Variants in SPRED3 observed in about 807,000 individuals in gnomAD.
The protein encoded by SPRED3 is sprouty-related, EVH1 domain-containing protein 3.
In SPRED3, 23 loss-of-function variants were observed where a neutral mutation model predicts 37.6. The observed-to-expected ratio is 0.61, with a 90% CI of 0.44 to 0.87. SPRED3 has a LOEUF of 0.87. Among genes scored for constraint, SPRED3 ranks in the 40% least tolerant of loss-of-function variants. The pLI is 0.00. For missense variants in SPRED3, 584 were observed against 618.6 expected (o/e 0.94, Z 0.59); for synonymous variants, 302 against 279.6 (o/e 1.08, Z -0.80).
intron 2 of SPRED3, among the ~76,000 whole-genome samples, chr19:38,390,771 C>T (rs559866331): frequency 4.1e-4 from 47 of 115,166 alleles, no homozygotes; most frequent in South Asian, 3.8e-3. Context: ...ACTGCCCCCC[C>T]CCCCCCGCCC....
At chr19:38,392,676 AC>A (rs1431091077) in intron 4 of SPRED3, 1 of 155,740 alleles carries the variant, frequency 6.4e-6, no homozygotes, top group Non-Finnish European at 1.4e-5. Context: ...ATTATTGACA[AC>A]CCCATGCTTC....
intron 2 of SPRED3, among the ~76,000 whole-genome samples, chr19:38,390,964 G>C (rs1398459705): frequency 6.6e-6 from 1 of 152,108 alleles, no homozygotes; most frequent in African/African-American, 2.4e-5. Context: ...GAATAACTGG[G>C]CTGTCGGGCA....
At position 38,392,014 on chromosome 19, in the gene SPRED3, G is replaced by A. The variant is rs766519920; in HGVS notation, c.246G>A (p.Trp82Ter). 1.9e-6 allele frequency: 3 copies of A among 1,614,150 alleles called. No individual in the cohort carries two copies. The highest frequency in any genetic ancestry group is 2.5e-6 in the Non-Finnish European group (3 of 1,180,028). The change falls in exon 3 of 6, where the codon TGG becomes TGA. Residue 82 changes from tryptophan to a stop codon, truncating the protein, a stop_gained. Transcript: ENST00000691638. LOFTEE classifies it high-confidence loss of function. ...YNKVNPIFHH[W>*]SLGDCKFGLT... ...AGGTGAATCCCATCTTTCACCACTG[G>A]AGCCTGGGTGACTGCAAGTTTGGAC...
Position 38,394,666 on chromosome 19 carries a change from C to T in SPRED3, c.447C>T (p.Ser149=), listed in dbSNP as rs756721916. 70 of 1,598,548 alleles carry T rather than the reference C, an allele frequency of 4.4e-5. No homozygotes were observed. In the South Asian group the frequency reaches 7.2e-4, roughly 16 times the overall value. Residue 149 remains serine, a synonymous_variant, in exon 5 of 6, where the codon TCC becomes TCT. Coordinates refer to ENST00000691638, the MANE Select transcript of SPRED3 (RefSeq NM_001394336.1). The part of the protein sequence containing the change: ...PLTSHVDSDS[S]SSHSRQETPP... ...AGTCCCACGTGGACAGCGACTCCTC[C>T]TCCAGTCACAGCCGCCAGGAGACTC...
chr19:38,396,250 C>T lies in SPRED3; in HGVS notation c.*105C>T. 1.2e-6 allele frequency: 1 copy of T among 846,302 alleles called. No individual in the cohort carries two copies. Among genetic ancestry groups the T allele is most frequent in the Non-Finnish European group, 1.5e-6 (1 of 646,284 alleles). The allele number at this position is 846,302 out of a possible 1,614,324, so 52.4% of individuals were successfully genotyped here. A position where few individuals can be genotyped will look rare whatever the true frequency, so the allele number is the denominator to read the frequency against. On this transcript the variant is annotated 3_prime_UTR_variant, in exon 6 of 6. Coordinates refer to ENST00000691638, the MANE Select transcript of SPRED3 (RefSeq NM_001394336.1). ...AACCCAAACCTAGGCACATCCGGAA[C>T]TTGGAGCTTGAGTTTGGATTGAGAG...
In SPRED3 at chr19:38,395,751, C is replaced by T. The variant is rs1304182685; in HGVS notation, c.839C>T (p.Pro280Leu). 1 of 1,464,082 alleles carries T rather than the reference C, an allele frequency of 6.8e-7. No individual in the cohort carries two copies. The highest frequency in any genetic ancestry group is 8.9e-7 in the Non-Finnish European group (1 of 1,117,566). 90.7% of individuals were successfully genotyped at this position (1,464,082 alleles called of 1,614,324 possible). A position where few individuals can be genotyped will look rare whatever the true frequency, so the allele number is the denominator to read the frequency against. ...GCTCGCCCACCCCCCGGCCCGGGCCCATCCTCTGCGCCTGCCAAGGCCTCC... is the reference window on the plus strand; with the variant it reads ...GCTCGCCCACCCCCCGGCCCGGGCCTATCCTCTGCGCCTGCCAAGGCCTCC... The part of the protein sequence containing the change: ...PPARPPPGPG[P>L]SSAPAKASPE... Residue 280 changes from proline (P) to leucine (L), a missense_variant, in exon 6 of 6, where the codon CCA becomes CTA. By Grantham distance (98) the Pro-to-Leu change is moderately conservative (BLOSUM62 -3). Around this residue, in one of 7 missense-constraint regions of SPRED3, gnomAD observed 310 missense variants for 281.1 expected, o/e 1.10. Transcript: ENST00000691638. This position sits in a 1 kb window ranked among gnomAD's most constrained non-coding sequence, Gnocchi z 5.2.
In SPRED3 at chr19:38,395,694, C is replaced by A. The variant is rs1970886974; in HGVS notation, c.782C>A (p.Pro261His). Residue 261 changes from proline to histidine, a missense_variant, in exon 6 of 6, where the codon CCT becomes CAT. Pro to His is a moderately conservative substitution (Grantham distance 77). Transcript: ENST00000691638. This position sits in a 1 kb window ranked among gnomAD's most constrained non-coding sequence, Gnocchi z 5.2. ...ALGPPAALPA[P>H]LTEAAPPAPP... Reference sequence around the variant, plus strand: ...GGTCCCCCAGCGGCACTACCTGCCCCTTTGACCGAGGCTGCGCCCCCAGCG... The same window carrying A: ...GGTCCCCCAGCGGCACTACCTGCCCATTTGACCGAGGCTGCGCCCCCAGCG... The A allele has an allele frequency of 1.4e-6, 2 of 1,479,566 alleles. No homozygotes were observed. Among genetic ancestry groups the A allele is most frequent in the African/African-American group, 2.9e-5 (2 of 68,320 alleles). 91.7% of individuals were successfully genotyped at this position (1,479,566 alleles called of 1,614,324 possible).
Position 38,390,576 on chromosome 19 carries a change from A to G in SPRED3, c.177+97A>G, listed in dbSNP as rs138465973. 1.5e-5 allele frequency: 15 copies of G among 1,029,362 alleles called. No individual in the cohort carries two copies. In the African/African-American group the frequency reaches 2.5e-4, roughly 17 times the overall value. 63.8% of individuals were successfully genotyped at this position (1,029,362 alleles called of 1,614,324 possible). On this transcript the variant is annotated intron_variant, in intron 2 of 5. Coordinates refer to ENST00000691638, the MANE Select transcript of SPRED3 (RefSeq NM_001394336.1). Reference sequence around the variant, plus strand: ...CAGAGGTCAGGTTGCCTCCCAGCCTAGGAATCAAGCTGGGGTGTGAAGTTT... The same window carrying G: ...CAGAGGTCAGGTTGCCTCCCAGCCTGGGAATCAAGCTGGGGTGTGAAGTTT...
chr19:38,395,475 C>G lies in SPRED3; in HGVS notation c.568-5C>G, dbSNP rs757305968. 5.5e-6 allele frequency: 8 copies of G among 1,463,592 alleles called. No homozygotes were observed. Among genetic ancestry groups the G allele is most frequent in the Non-Finnish European group, 7.2e-6 (8 of 1,109,150 alleles). The allele number at this position is 1,463,592 out of a possible 1,614,324, so 90.7% of individuals were successfully genotyped here. ...TTCTGATCTGTTTGTCCCTTCGTTCCGCAGAGCTACCCTCCGCTTCTACCG... is the reference window on the plus strand; with the variant it reads ...TTCTGATCTGTTTGTCCCTTCGTTCGGCAGAGCTACCCTCCGCTTCTACCG... On this transcript the variant is annotated splice_polypyrimidine_tract_variant and splice_region_variant and intron_variant, in intron 5 of 5. Transcript: ENST00000691638. This position sits in a 1 kb window ranked among gnomAD's most constrained non-coding sequence, Gnocchi z 5.2.
At position 38,396,336 on chromosome 19, in the gene SPRED3, T is replaced by A; in HGVS notation, c.*191T>A. 5.3e-6 allele frequency: 2 copies of A among 380,224 alleles called. No individual in the cohort carries two copies. Among genetic ancestry groups the A allele is most frequent in the African/African-American group, 2.1e-5 (1 of 47,416 alleles). The allele number at this position is 380,224 out of a possible 1,614,324, so 23.6% of individuals were successfully genotyped here. The stretch of plus-strand genomic sequence containing the variant: ...CTGAGAGACCCCAGCCCCAGCTTCA[T>A]TGGGGTGTCTGTCTAAGAAGTCCCA... On this transcript the variant is annotated 3_prime_UTR_variant, in exon 6 of 6. Transcript: ENST00000691638.
chr19:38,397,040 C>T lies in SPRED3; in HGVS notation c.*895C>T, dbSNP rs1437069952. On this transcript the variant is annotated 3_prime_UTR_variant, in exon 6 of 6. Coordinates refer to ENST00000691638, the MANE Select transcript of SPRED3 (RefSeq NM_001394336.1). ...GATCAAAGACCTCCATAGGTCCACCCACCCCCAAGCCAGGGTTCTCAGGAG... is the reference window on the plus strand; with the variant it reads ...GATCAAAGACCTCCATAGGTCCACCTACCCCCAAGCCAGGGTTCTCAGGAG... The T allele has an allele frequency of 2.6e-5, 4 of 152,214 alleles. No homozygotes were observed. Among genetic ancestry groups the T allele is most frequent in the African/African-American group, 4.8e-5 (2 of 41,452 alleles). The allele number at this position is 152,214 out of a possible 1,614,324, so 9.4% of individuals were successfully genotyped here.
chr19:38,388,801 C>T lies in SPRED3; in HGVS notation c.-11C>T. 2.5e-6 allele frequency: 1 copy of T among 398,162 alleles called. No homozygotes were observed. The highest frequency in any genetic ancestry group is 4.4e-6 in the Non-Finnish European group (1 of 225,762). The allele number at this position is 398,162 out of a possible 1,614,324, so 24.7% of individuals were successfully genotyped here. On this transcript the variant is annotated 5_prime_UTR_variant, in exon 1 of 6. Transcript: ENST00000691638. ...CCGCCGCTCGGAGCCCGGCCGGAGC[C>T]TCGCAGGCAGGTGCCGAGGGGGGCG... is the stretch of plus-strand genomic sequence containing the variant.
At position 38,395,995 on chromosome 19, in the gene SPRED3, G is replaced by A; in HGVS notation, c.1083G>A (p.Pro361=). 1 of 1,423,864 alleles carries A rather than the reference G, an allele frequency of 7.0e-7. No homozygotes were observed. The highest frequency in any genetic ancestry group is 1.4e-5 in the South Asian group (1 of 69,944). 88.2% of individuals were successfully genotyped at this position (1,423,864 alleles called of 1,614,324 possible). A position where few individuals can be genotyped will look rare whatever the true frequency, so the allele number is the denominator to read the frequency against. Residue 361 remains proline (P), a synonymous_variant, in exon 6 of 6, where the codon CCG becomes CCA. Coordinates refer to ENST00000691638, the MANE Select transcript of SPRED3 (RefSeq NM_001394336.1). The surrounding 1 kb of genome is among the most constrained non-coding windows in gnomAD (Gnocchi z 5.2). Reference sequence around the variant, plus strand: ...CGTGCGCCTGCGAGCCGGGCCACCCGCGCCCCGCCGCGCGCTGGGCCGCGC... The same window carrying A: ...CGTGCGCCTGCGAGCCGGGCCACCCACGCCCCGCCGCGCGCTGGGCCGCGC... ...SDPCACEPGH[P]RPAARWAALA... is the part of the protein sequence containing the mutation.
intron 1 of SPRED3, among the ~76,000 whole-genome samples, 187 bp downstream of exon 1, chr19:38,388,994 G>A (rs1237609954): frequency 1.3e-5 from 2 of 152,220 alleles, no homozygotes; most frequent in African/African-American, 2.4e-5. Flanking sequence ...CATTTGTGGG[G>A]TCTGGACTTT....
chr19:38,398,780 A>C lies in SPRED3; in HGVS notation c.*2635A>C, dbSNP rs1243065235. On this transcript the variant is annotated 3_prime_UTR_variant, in exon 6 of 6. Transcript: ENST00000691638. ...CCAAGCATCTGGAACTGTGCACTTA[A>C]CCTTTCTTCATTACCCAGACTTGGA... 6.6e-6 allele frequency: 1 copy of C among 152,154 alleles called. No individual in the cohort carries two copies. Among genetic ancestry groups the C allele is most frequent in the Non-Finnish European group, 1.5e-5 (1 of 68,032 alleles). 9.4% of individuals were successfully genotyped at this position (152,154 alleles called of 1,614,324 possible). A position where few individuals can be genotyped will look rare whatever the true frequency, so the allele number is the denominator to read the frequency against.
intron 4 of SPRED3, among the ~76,000 whole-genome samples, chr19:38,393,165 A>G (rs1442181285): frequency 6.6e-6 from 1 of 152,088 alleles, no homozygotes; most frequent in Non-Finnish European, 1.5e-5. Context: ...CTTGTGGCTC[A>G]TTCCCTTGTT....
chr19:38,391,186 G>A (rs1232529882), intron 2 of SPRED3, among the ~76,000 whole-genome samples: 2 of 151,964 alleles, frequency 1.3e-5, no homozygotes, highest in Admixed American at 6.6e-5. Flanking sequence ...ATCTGTGGAA[G>A]TCTGATAAGA....
At chr19:38,392,470 T>A in intron 4 of SPRED3, 182 bp downstream of exon 4, 1 of 662,648 alleles carries the variant, frequency 1.5e-6, no homozygotes, top group Non-Finnish European at 2.4e-6. Flanking sequence ...CTGTCATGAT[T>A]CACACGTTCA....
chr19:38,397,033 G>C lies in SPRED3; in HGVS notation c.*888G>C, dbSNP rs1970906598. The C allele has an allele frequency of 6.6e-6, 1 of 152,098 alleles. No individual in the cohort carries two copies. The highest frequency in any genetic ancestry group is 2.4e-5 in the African/African-American group (1 of 41,396). The allele number at this position is 152,098 out of a possible 1,614,324, so 9.4% of individuals were successfully genotyped here. On this transcript the variant is annotated 3_prime_UTR_variant, in exon 6 of 6. Coordinates refer to ENST00000691638, the MANE Select transcript of SPRED3 (RefSeq NM_001394336.1). ...AGCCAGGGATCAAAGACCTCCATAG[G>C]TCCACCCACCCCCAAGCCAGGGTTC...
Sources: allele counts gnomAD v4.1 joint callset (sites outside exome capture counted in the v4.1 genomes callset), GRCh38; gene constraint gnomAD v4.1.1; regional missense constraint gnomAD v4.1.1; non-coding constraint Gnocchi (gnomAD v3.1); transcripts MANE v1.5; gene names NCBI Gene and HGNC (gene_info 2026-07-23, HGNC 2026-07-21).